The following SLC38A1 variants were observed in gnomAD, a reference collection of about 807,000 sequenced individuals.
The protein encoded by SLC38A1 is solute carrier family 38 member 1.
SLC38A1 carries 18 observed loss-of-function variants against 60.3 expected under a neutral mutation model. The observed-to-expected ratio is 0.30, with a 90% confidence interval of 0.21 to 0.44. SLC38A1 has a LOEUF of 0.44. SLC38A1 is among the 20% of genes least tolerant of loss of function. The probability of loss-of-function intolerance (pLI) is 1.00; values close to 1 mark genes in which losing one functional copy is unlikely to be tolerated. For synonymous variants in SLC38A1, 196 were observed against 212.1 expected, an observed-to-expected ratio of 0.92 and a Z score of 0.66; for missense variants, 448 against 587.2, an observed-to-expected ratio of 0.76 and a Z score of 2.45.
intron 5 of SLC38A1, among the ~76,000 whole-genome samples, chr12:46,228,094 T>G (rs1450646929): frequency 6.6e-6 from 1 of 152,140 alleles, no homozygotes; most frequent in African/African-American, 2.4e-5. Context: ...TAGAGTTAGG[T>G]TCACTGAATT....
intron 16 of SLC38A1, chr12:46,195,985 T>A (rs1592063884): frequency 2.8e-5 from 18 of 643,620 alleles, no homozygotes; most frequent in Non-Finnish European, 3.3e-5. Context: ...CCCAGTGAGA[T>A]GAACCAGGTA....
chr12:46,251,488 G>A (rs1941837341), intron 1 of SLC38A1, among the ~76,000 whole-genome samples: 1 of 152,144 alleles, frequency 6.6e-6, no homozygotes, highest in African/African-American at 2.4e-5. Flanking sequence ...AGCCAAAATT[G>A]ACAAATGGGA....
chr12:46,255,963 A>G (rs554258697), intron 1 of SLC38A1, among the ~76,000 whole-genome samples: 175 of 152,220 alleles, frequency 1.1e-3, no homozygotes, highest in Middle Eastern at 3.4e-3. Flanking sequence ...GGAGATCAAG[A>G]CCATCCTGGC....
intron 5 of SLC38A1, among the ~76,000 whole-genome samples, chr12:46,216,385 G>A (rs896213761): frequency 2.0e-5 from 3 of 152,196 alleles, no homozygotes; most frequent in African/African-American, 7.2e-5. Flanking sequence ...AGCTTCAGGG[G>A]TTTTCCAGGC....
chr12:46,264,173 A>G (rs1942283243), intron 1 of SLC38A1, among the ~76,000 whole-genome samples: 1 of 152,246 alleles, frequency 6.6e-6, no homozygotes, highest in Non-Finnish European at 1.5e-5. Context: ...GAAGATTAGC[A>G]GCATGCTTAA....
intron 1 of SLC38A1, among the ~76,000 whole-genome samples, chr12:46,263,402 T>A (rs1942258892): frequency 6.6e-6 from 1 of 152,174 alleles, no homozygotes; most frequent in East Asian, 1.9e-4. Flanking sequence ...TGTTTTTCAA[T>A]AAATGCCAGA....
chr12:46,212,275 C>A (rs919813857), intron 5 of SLC38A1, among the ~76,000 whole-genome samples: 5 of 152,198 alleles, frequency 3.3e-5, no homozygotes, highest in African/African-American at 1.2e-4. Context: ...AAGAGAAACA[C>A]ATGCTGGGAT....
intron 5 of SLC38A1, among the ~76,000 whole-genome samples, chr12:46,211,178 C>T (rs1940154059): frequency 6.6e-6 from 1 of 152,190 alleles, no homozygotes; most frequent in Non-Finnish European, 1.5e-5. Flanking sequence ...TCTACACGAA[C>T]ATGTGACAGG....
intron 3 of SLC38A1, among the ~76,000 whole-genome samples, chr12:46,230,837 T>C (rs929806061): frequency 6.6e-6 from 1 of 152,212 alleles, no homozygotes; most frequent in Admixed American, 6.5e-5. Flanking sequence ...GGAATGCTTA[T>C]ACACCATTGG....
chr12:46,204,172 T>C, intron 11 of SLC38A1, 129 bp downstream of exon 11: 1 of 696,936 alleles, frequency 1.4e-6, no homozygotes, highest in Non-Finnish European at 2.6e-6. Flanking sequence ...AGATGTGTAA[T>C]CTGGAAGCAA....
intron 1 of SLC38A1, among the ~76,000 whole-genome samples, chr12:46,252,209 AC>A (rs1472768257): frequency 1.3e-5 from 2 of 152,148 alleles, no homozygotes; most frequent in Admixed American, 1.3e-4. Flanking sequence ...GAAGCTGGAA[AC>A]CATCATTCTC....
intron 5 of SLC38A1, among the ~76,000 whole-genome samples, chr12:46,212,473 T>C (rs771293141): frequency 5.3e-5 from 8 of 152,228 alleles, no homozygotes; most frequent in Non-Finnish European, 1.2e-4. Context: ...TGCCAAGGTG[T>C]TGATATTTCA....
chr12:46,203,270 T>G (rs1025355431), intron 11 of SLC38A1, among the ~76,000 whole-genome samples, 181 bp from the exon 12 acceptor site: 38 of 152,330 alleles, frequency 2.5e-4, no homozygotes, highest in Non-Finnish European at 7.4e-5. Context: ...CTTGTCTAGC[T>G]CGAGCCATTA....
chr12:46,264,893 A>G (rs1463902369), intron 1 of SLC38A1, among the ~76,000 whole-genome samples: 1 of 152,106 alleles, frequency 6.6e-6, no homozygotes, highest in Non-Finnish European at 1.5e-5. Flanking sequence ...TACTTCTCCT[A>G]CCTCCTCACC....
At position 46,184,859 on chromosome 12, in the gene SLC38A1, A is replaced by T. The variant is rs2136795800; in HGVS notation, c.*4111T>A. 6.6e-6 allele frequency: 1 copy of T among 152,320 alleles called. No homozygotes were observed. Among genetic ancestry groups the T allele is most frequent in the African/African-American group, 2.4e-5 (1 of 41,576 alleles). 9.4% of individuals were successfully genotyped at this position (152,320 alleles called of 1,614,324 possible). A position where few individuals can be genotyped will look rare whatever the true frequency, so the allele number is the denominator to read the frequency against. ...TCACAGCTTTAAAAAATAAAATATT[A>T]TCATGCCTCAGCCCGAGGTAACACC... On this transcript the variant is annotated 3_prime_UTR_variant, in exon 17 of 17. Coordinates refer to ENST00000398637, the MANE Select transcript of SLC38A1 (RefSeq NM_030674.4).
intron 1 of SLC38A1, among the ~76,000 whole-genome samples, chr12:46,256,915 A>G (rs919440935): frequency 1.3e-5 from 2 of 152,170 alleles, no homozygotes; most frequent in Non-Finnish European, 2.9e-5. Context: ...CCAACCTCCA[A>G]CCAAGAGTTT....
chr12:46,221,807 T>C (rs1940670266), intron 5 of SLC38A1, among the ~76,000 whole-genome samples: 2 of 152,212 alleles, frequency 1.3e-5, no homozygotes, highest in Admixed American at 1.3e-4. Flanking sequence ...TACTTACTAT[T>C]AGAAAGATAC....
At chr12:46,248,351 C>T (rs1198975495) in intron 1 of SLC38A1, among the ~76,000 whole-genome samples, 1 of 151,950 alleles carries the variant, frequency 6.6e-6, no homozygotes, top group Non-Finnish European at 1.5e-5. Flanking sequence ...ATCTACCAAG[C>T]AAATGGAAAG....
At chr12:46,238,218 A>G (rs569652724) in intron 3 of SLC38A1, among the ~76,000 whole-genome samples, 8 of 148,986 alleles carry the variant, frequency 5.4e-5, no homozygotes, top group Non-Finnish European at 8.8e-5. Flanking sequence ...AAAAGATGAA[A>G]GAAGTAAGTA....
Sources: allele counts gnomAD v4.1 joint callset (sites outside exome capture counted in the v4.1 genomes callset), GRCh38; gene constraint gnomAD v4.1.1; transcripts MANE v1.5; gene names NCBI Gene and HGNC (gene_info 2026-07-23, HGNC 2026-07-21).